TFAP2E: variants seen among roughly 807,000 people sequenced by gnomAD.
TFAP2E encodes transcription factor AP-2 epsilon.
A neutral mutation model predicts 37.9 loss-of-function variants in TFAP2E; 30 were observed. That is an observed-to-expected ratio of 0.79 (90% CI 0.59 to 1.07). The LOEUF (loss-of-function observed/expected upper bound fraction) is 1.07, where lower values mean the gene tolerates loss of function less well. TFAP2E is among the 50% of genes least tolerant of loss of function. TFAP2E has a pLI of 0.00. For missense variants in TFAP2E, 567 were observed against 637.9 expected (o/e 0.89, Z 1.20); for synonymous variants, 318 against 295.8 (o/e 1.08, Z -0.77).
chr1:35,576,951 ACCCCAGCGCCAGCG>A (rs1649193546), intron 3 of TFAP2E, among the ~76,000 whole-genome samples: 1 of 72,254 alleles, frequency 1.4e-5, no homozygotes, highest in African/African-American at 5.5e-5. Flanking sequence ...CGCCAGCGGG[ACCCCAGCGCCAGCG>A]GGACCCCAGC....
At chr1:35,579,527 T>G (rs1450610147) in intron 3 of TFAP2E, among the ~76,000 whole-genome samples, 2 of 151,958 alleles carry the variant, frequency 1.3e-5, no homozygotes, top group Non-Finnish European at 2.9e-5. Context: ...CCCAAGTAGC[T>G]GGGATTACAG....
In TFAP2E at chr1:35,595,058, G is replaced by A. The variant is rs957271484; in HGVS notation, c.*382G>A. The stretch of plus-strand genomic sequence containing the variant: ...TTGTGTTTTTCACTGGTGGCAGGAG[G>A]AAAATTGATAAATCAGAGGTGCTAC... On this transcript the variant is annotated 3_prime_UTR_variant, in exon 7 of 7. Coordinates refer to ENST00000373235, the MANE Select transcript of TFAP2E (RefSeq NM_178548.4). 3.7e-6 allele frequency: 1 copy of A among 266,948 alleles called. No homozygotes were observed. The highest frequency in any genetic ancestry group is 7.2e-6 in the Non-Finnish European group (1 of 138,908). 16.5% of individuals were successfully genotyped at this position (266,948 alleles called of 1,614,324 possible). A position where few individuals can be genotyped will look rare whatever the true frequency, so the allele number is the denominator to read the frequency against.
rs780643875 is a variant in TFAP2E at position 35,588,321 on chromosome 1, T to C, written c.563-9T>C. ...AGCCACTGGCTCAGCGTTTCCCTCT[T>C]CTCCACAGTGCCCATCCCCTCCAAA... On this transcript the variant is annotated splice_polypyrimidine_tract_variant and intron_variant, in intron 3 of 6. Transcript: ENST00000373235. This position sits in a 1 kb window ranked among gnomAD's most constrained non-coding sequence, Gnocchi z 5.1. 1 of 1,603,840 alleles carries C rather than the reference T, an allele frequency of 6.2e-7. No homozygotes were observed. Among genetic ancestry groups the C allele is most frequent in the Non-Finnish European group, 8.5e-7 (1 of 1,173,230 alleles).
In TFAP2E at chr1:35,588,280, T is replaced by C. The variant is rs1649546983; in HGVS notation, c.563-50T>C. 1 of 1,538,398 alleles carries C rather than the reference T, an allele frequency of 6.5e-7. No homozygotes were observed. Among genetic ancestry groups the C allele is most frequent in the African/African-American group, 1.4e-5 (1 of 73,478 alleles). ...CAAGGATACCAGACCCTCCCTTGAG[T>C]GGGGCTGTGTGCGGCAGCCACTGGC... On this transcript the variant is annotated intron_variant, in intron 3 of 6. Transcript: ENST00000373235. This position sits in a 1 kb window ranked among gnomAD's most constrained non-coding sequence, Gnocchi z 5.1.
At chr1:35,576,465 A>G (rs1319457504) in intron 3 of TFAP2E, among the ~76,000 whole-genome samples, 1 of 152,142 alleles carries the variant, frequency 6.6e-6, no homozygotes, top group Non-Finnish European at 1.5e-5. Flanking sequence ...TGCAGTGGGC[A>G]AAAGCCTGCC....
chr1:35,574,911 C>T (rs370240222), intron 2 of TFAP2E, 38 bp from the exon 3 acceptor site: 1 of 1,613,364 alleles, frequency 6.2e-7, no homozygotes, highest in African/African-American at 1.3e-5. Flanking sequence ...GCGGCTAGGG[C>T]TTTATGCGCC....
In TFAP2E at chr1:35,582,597, C is replaced by A. The variant is rs535191443; in HGVS notation, c.563-5733C>A. ...GCTTCCAGTGATCCTCCTGTCTTGGCCTCCCTAAGTGCTAGGGTTACAGGA... is the reference window on the plus strand; with the variant it reads ...GCTTCCAGTGATCCTCCTGTCTTGGACTCCCTAAGTGCTAGGGTTACAGGA... On this transcript the variant is annotated intron_variant, in intron 3 of 6. Transcript: ENST00000373235. 4.7e-5 allele frequency among the ~76,000 whole-genome samples: 7 copies of A among 150,254 alleles called. No homozygotes were observed. The South Asian group carries it at 1.3e-3, about 27-fold the overall frequency.
At chr1:35,575,149 G>A in intron 3 of TFAP2E, 149 bp downstream of exon 3, 1 of 1,053,172 alleles carries the variant, frequency 9.5e-7, no homozygotes, top group South Asian at 1.4e-5. Context: ...ATGTTAGGCA[G>A]ACGTGCGGGC....
At chr1:35,576,464 CAA>C (rs967669847) in intron 3 of TFAP2E, among the ~76,000 whole-genome samples, 6 of 152,116 alleles carry the variant, frequency 3.9e-5, no homozygotes, top group African/African-American at 9.7e-5. Context: ...CTGCAGTGGG[CAA>C]AAGCCTGCCT....
At chr1:35,587,305 TTCTTTC>T (rs1478196653) in intron 3 of TFAP2E, among the ~76,000 whole-genome samples, 2 of 152,174 alleles carry the variant, frequency 1.3e-5, no homozygotes, top group Non-Finnish European at 2.9e-5. Flanking sequence ...AGGAAGAACT[TTCTTTC>T]TCTTATAGCC....
At chr1:35,584,875 A>C (rs1649442476) in intron 3 of TFAP2E, among the ~76,000 whole-genome samples, 1 of 152,244 alleles carries the variant, frequency 6.6e-6, no homozygotes, top group African/African-American at 2.4e-5. Context: ...CTCGAGGTAT[A>C]ATTTTTTTAT....
chr1:35,589,791 C>A, intron 4 of TFAP2E, 139 bp from the exon 5 acceptor site: 1 of 822,148 alleles, frequency 1.2e-6, no homozygotes, highest in Non-Finnish European at 2.0e-6. Flanking sequence ...CTGAAAGAGA[C>A]CTCAGAGCAT....
intron 3 of TFAP2E, among the ~76,000 whole-genome samples, chr1:35,586,469 A>G (rs1649483838): frequency 6.6e-6 from 1 of 152,176 alleles, no homozygotes; most frequent in Admixed American, 6.5e-5. Context: ...ATGCATTCAG[A>G]TGGAAAGATC....
At position 35,574,029 on chromosome 1, in the gene TFAP2E, G is replaced by T; in HGVS notation, c.130G>T (p.Ala44Ser). The T allele has an allele frequency of 6.7e-7, 1 of 1,484,826 alleles. No homozygotes were observed. Among genetic ancestry groups the T allele is most frequent in the South Asian group, 1.2e-5 (1 of 80,026 alleles). 92.0% of individuals were successfully genotyped at this position (1,484,826 alleles called of 1,614,324 possible). ...GCCCCCGCTCTGCCACACGCCGGCC[G>T]CCACAGCTGCCGCCGAATTCCAGCC... Reference protein sequence around the residue: ...PAPPLCHTPAATAAAEFQPPY... With the variant: ...PAPPLCHTPASTAAAEFQPPY... The change falls in exon 2 of 7, where the codon GCC becomes TCC. Residue 44 changes from alanine (A) to serine (S), a missense_variant. Ala to Ser is a moderately conservative substitution (Grantham distance 99). Transcript: ENST00000373235.
rs769487130 is a variant in TFAP2E at position 35,589,981 on chromosome 1, T to G, written c.837T>G (p.Ile279Met). The change falls in exon 5 of 7, where the codon ATT becomes ATG. Residue 279 changes from isoleucine (I) to methionine (M), a missense_variant. Coordinates refer to ENST00000373235, the MANE Select transcript of TFAP2E (RefSeq NM_178548.4). ...GRCLRERLEK[I>M]GLNLPAGRRK... ...GTTTGCGGGAACGGTTAGAGAAGAT[T>G]GGGCTCAACCTGCCAGCTGGCCGTC... 1 of 1,614,112 alleles carries G rather than the reference T, an allele frequency of 6.2e-7. No homozygotes were observed. Among genetic ancestry groups the G allele is most frequent in the South Asian group, 1.1e-5 (1 of 91,080 alleles).
intron 3 of TFAP2E, among the ~76,000 whole-genome samples, chr1:35,581,200 C>T (rs1012747034): frequency 6.6e-6 from 1 of 152,054 alleles, no homozygotes; most frequent in Non-Finnish European, 1.5e-5. Flanking sequence ...GTAAAAGAAA[C>T]AGCAATAAAA....
In TFAP2E at chr1:35,573,775, T is replaced by TCCTGCGCCCG. The variant is rs1553120620; in HGVS notation, c.28-150_28-141dup. 36 of 1,369,770 alleles carry TCCTGCGCCCG rather than the reference T, an allele frequency of 2.6e-5. No individual in the cohort carries two copies. The highest frequency in any genetic ancestry group is 3.3e-5 in the Non-Finnish European group (35 of 1,050,362). The allele number at this position is 1,369,770 out of a possible 1,614,324, so 84.9% of individuals were successfully genotyped here. On this transcript the variant is annotated intron_variant, in intron 1 of 6. Coordinates refer to ENST00000373235, the MANE Select transcript of TFAP2E (RefSeq NM_178548.4). The surrounding 1 kb of genome is among the most constrained non-coding windows in gnomAD (Gnocchi z 5.9). ...GTGACCGCTGTCCCCAGCCTGAGGC[T>TCCTGCGCCCG]CCTGCGCCCGCGGGTGGCTCGGAAA...
At chr1:35,582,581 G>A (rs946827566) in intron 3 of TFAP2E, among the ~76,000 whole-genome samples, 7 of 144,636 alleles carry the variant, frequency 4.8e-5, no homozygotes, top group African/African-American at 1.8e-4. Flanking sequence ...GGCTTCCAGT[G>A]ATCCTCCTGT....
At position 35,590,341 on chromosome 1, in the gene TFAP2E, T is replaced by C. The variant is rs2148553563; in HGVS notation, c.904+293T>C. 6.6e-6 allele frequency among the ~76,000 whole-genome samples: 1 copy of C among 151,512 alleles called. No homozygotes were observed. The highest frequency in any genetic ancestry group is 1.9e-4 in the East Asian group (1 of 5,142). ...GTGTGTGTTGGCGGGGAGTGGCCAG[T>C]GTTTGGATGTGGTAAAGGGATGAAG... On this transcript the variant is annotated intron_variant, in intron 5 of 6. Coordinates refer to ENST00000373235, the MANE Select transcript of TFAP2E (RefSeq NM_178548.4). This position sits in a 1 kb window ranked among gnomAD's most constrained non-coding sequence, Gnocchi z 6.2.
Sources: allele counts gnomAD v4.1 joint callset (sites outside exome capture counted in the v4.1 genomes callset), GRCh38; gene constraint gnomAD v4.1.1; non-coding constraint Gnocchi (gnomAD v3.1); transcripts MANE v1.5; gene names NCBI Gene and HGNC (gene_info 2026-07-23, HGNC 2026-07-21).